SORL1: variants seen among roughly 807,000 people sequenced by gnomAD.
SORL1 encodes sortilin related receptor 1, also known as sortilin-related receptor.
Under a neutral mutation model 273.7 loss-of-function variants are expected in SORL1, and 127 were observed. The observed-to-expected ratio is 0.46, with a 90% CI of 0.40 to 0.54. SORL1 has a LOEUF of 0.54. SORL1 is among the 20% of genes least tolerant of loss of function. SORL1 has a pLI of 0.00. For synonymous variants in SORL1, 1,031 were observed against 1,067.4 expected (o/e 0.97, Z 0.66); for missense variants, 2,494 against 2,846.1 (o/e 0.88, Z 2.81).
At chr11:121,506,150 A>G (rs1861782187) in intron 6 of SORL1, among the ~76,000 whole-genome samples, 1 of 152,118 alleles carries the variant, frequency 6.6e-6, no homozygotes, top group Admixed American at 6.5e-5. Flanking sequence ...ATATATGTTT[A>G]TGATTGTTAA....
intron 5 of SORL1, among the ~76,000 whole-genome samples, chr11:121,496,215 A>G (rs1037951935): frequency 7.2e-5 from 11 of 152,246 alleles, no homozygotes; most frequent in African/African-American, 2.7e-4. Context: ...TGCAGAGGGC[A>G]TCTCCTCACG....
intron 25 of SORL1, among the ~76,000 whole-genome samples, chr11:121,581,091 T>C (rs569051943): frequency 6.6e-6 from 1 of 152,164 alleles, no homozygotes; most frequent in South Asian, 2.1e-4. Flanking sequence ...TTTGTGTTTT[T>C]AGTAGAGATG....
At chr11:121,490,215 A>T (rs756163678) in intron 5 of SORL1, 105 bp downstream of exon 5, 2 of 751,516 alleles carry the variant, frequency 2.7e-6, no homozygotes, top group Non-Finnish European at 4.7e-6. Context: ...TCCAGCATTT[A>T]TTCAGGAAAT....
intron 13 of SORL1, 131 bp downstream of exon 13, chr11:121,543,857 T>A (rs1862384183): frequency 2.6e-6 from 2 of 774,702 alleles, no homozygotes; most frequent in Non-Finnish European, 4.0e-6. Flanking sequence ...CCCATAAGAG[T>A]TAGCAAAAAG....
chr11:121,608,143 G>A lies in SORL1; in HGVS notation c.5206G>A (p.Asp1736Asn), dbSNP rs779195575. 7.4e-6 allele frequency: 12 copies of A among 1,613,932 alleles called. No individual in the cohort carries two copies. The highest frequency in any genetic ancestry group is 1.1e-5 in the South Asian group (1 of 91,070). The stretch of plus-strand genomic sequence containing the variant: ...TAGTCGTGGAATAGGAAACTGGAGC[G>A]ATTCTAAATCCATTACCACCATAAA... The part of the protein sequence containing the change: ...VTSRGIGNWS[D>N]SKSITTIKGK... Residue 1736 changes from aspartate to asparagine, a missense_variant, in exon 38 of 48, where the codon GAT (aspartate) becomes AAT (asparagine). Asp to Asn is a conservative substitution (Grantham distance 23). Around this residue, in one of 3 missense-constraint regions of SORL1, gnomAD observed 1,609 missense variants for 1,816.4 expected, o/e 0.89. Coordinates refer to ENST00000260197, the MANE Select transcript of SORL1 (RefSeq NM_003105.6).
chr11:121,467,260 T>C (rs1861098223), intron 1 of SORL1, among the ~76,000 whole-genome samples: 1 of 152,156 alleles, frequency 6.6e-6, no homozygotes, highest in African/African-American at 2.4e-5. Context: ...TTTTTCTTTG[T>C]AGAAAAGCCC....
intron 23 of SORL1, among the ~76,000 whole-genome samples, chr11:121,572,615 G>A (rs1189512237): frequency 6.6e-6 from 1 of 152,178 alleles, no homozygotes. Flanking sequence ...CTGTTTCTAA[G>A]CAGGGCTGCA....
At position 121,516,017 on chromosome 11, in the gene SORL1, A is replaced by G. The variant is rs181757850; in HGVS notation, c.1211+1696A>G. On this transcript the variant is annotated intron_variant, in intron 8 of 47. Coordinates refer to ENST00000260197, the MANE Select transcript of SORL1 (RefSeq NM_003105.6). ...GGACATGATCTGATTTAACCTTTCA[A>G]TTTTTTTCCGTTAAAATCTGTGAAT... Among the ~76,000 whole-genome samples, 44 of 152,310 alleles carry G rather than the reference A, an allele frequency of 2.9e-4. No individual in the cohort carries two copies. In the East Asian group the frequency reaches 7.1e-3, roughly 25 times the overall value.
chr11:121,463,789 C>A (rs530702180), intron 1 of SORL1, among the ~76,000 whole-genome samples: 164 of 152,292 alleles, frequency 1.1e-3, no homozygotes, highest in Non-Finnish European at 2.0e-3. Context: ...AACTAGATTT[C>A]AGCTTTCCTT....
chr11:121,503,541 T>C (rs1370456709), intron 6 of SORL1, among the ~76,000 whole-genome samples: 2 of 152,006 alleles, frequency 1.3e-5, no homozygotes, highest in Non-Finnish European at 2.9e-5. Context: ...TAGGCTGGAA[T>C]ATAGTGGCAT....
intron 32 of SORL1, among the ~76,000 whole-genome samples, chr11:121,598,673 T>C (rs2134912836): frequency 6.6e-6 from 1 of 152,378 alleles, no homozygotes; most frequent in African/African-American, 2.4e-5. Context: ...TCTACGGTGA[T>C]GGACTTCTGG....
chr11:121,513,209 C>T (rs1043976114), intron 7 of SORL1, 105 bp downstream of exon 7: 40 of 848,398 alleles, frequency 4.7e-5, no homozygotes, highest in African/African-American at 1.2e-4. Flanking sequence ...TATTTTATGG[C>T]GCCTCCCTGA....
intron 35 of SORL1, 41 bp from the exon 36 acceptor site, chr11:121,606,804 T>C (rs377518190): frequency 3.6e-6 from 5 of 1,397,648 alleles, no homozygotes; most frequent in African/African-American, 2.8e-5. Flanking sequence ...GGTTGGCTGC[T>C]ATGCAGATGG....
chr11:121,616,824 C>T (rs1346328828), intron 41 of SORL1, among the ~76,000 whole-genome samples: 1 of 152,228 alleles, frequency 6.6e-6, no homozygotes, highest in East Asian at 1.9e-4. Flanking sequence ...ACACAGCCCT[C>T]AGGAGGTCCT....
At chr11:121,610,751 G>A (rs558537281) in intron 38 of SORL1, 5 of 204,802 alleles carry the variant, frequency 2.4e-5, no homozygotes, top group East Asian at 1.2e-4. Context: ...GATGCCACTC[G>A]CAGTGAATGA....
At chr11:121,572,952 C>T (rs966541807) in intron 23 of SORL1, among the ~76,000 whole-genome samples, 2 of 152,166 alleles carry the variant, frequency 1.3e-5, no homozygotes, top group Non-Finnish European at 2.9e-5. Flanking sequence ...GCACGACAAC[C>T]CCTCCCCCGT....
rs1862544109 is a variant in SORL1, at chr11:121,554,167, T to A, written c.2439+58T>A. ...GTGCATCGTGACTGCCCTGTCCTGA[T>A]AAGCTGCATGCAGAATGGCCTATGG... On this transcript the variant is annotated intron_variant, in intron 17 of 47. Coordinates refer to ENST00000260197, the MANE Select transcript of SORL1 (RefSeq NM_003105.6). This position sits in a 1 kb window ranked among gnomAD's most constrained non-coding sequence, Gnocchi z 4.6. 3 of 1,500,410 alleles carry A rather than the reference T, an allele frequency of 2.0e-6. No homozygotes were observed. The highest frequency in any genetic ancestry group is 2.7e-6 in the Non-Finnish European group (3 of 1,091,810). 92.9% of individuals were successfully genotyped at this position (1,500,410 alleles called of 1,614,324 possible). A position where few individuals can be genotyped will look rare whatever the true frequency, so the allele number is the denominator to read the frequency against.
At chr11:121,457,050 G>A (rs988091446) in intron 1 of SORL1, among the ~76,000 whole-genome samples, 5 of 152,182 alleles carry the variant, frequency 3.3e-5, no homozygotes, top group African/African-American at 9.7e-5. Flanking sequence ...AGAGTTGCTC[G>A]GGGCCTTGGG....
At chr11:121,591,677 A>G (rs775511769) in intron 31 of SORL1, among the ~76,000 whole-genome samples, 12 of 152,140 alleles carry the variant, frequency 7.9e-5, no homozygotes, top group Non-Finnish European at 1.8e-4. Flanking sequence ...TTGAAATCCC[A>G]TTTCGTGTGT....
Sources: gnomAD v4.1 joint callset for allele counts (sites outside exome capture counted in the v4.1 genomes callset) on GRCh38, gnomAD v4.1.1 for gene constraint, gnomAD v4.1.1 regional missense constraint, Gnocchi (gnomAD v3.1) non-coding constraint, MANE v1.5 for transcripts, NCBI Gene and HGNC (gene_info 2026-07-23, HGNC 2026-07-21) for gene names.